Variants in ATP5F1C observed in about 807,000 individuals in gnomAD.
ATP5F1C encodes the protein ATP synthase F1 subunit gamma.
In ATP5F1C, 22 loss-of-function variants were observed where a neutral mutation model predicts 37.4. The ratio of observed to expected loss-of-function variants is 0.59; its 90% CI spans 0.42 to 0.84. The LOEUF (loss-of-function observed/expected upper bound fraction) is 0.84, where lower values mean the gene tolerates loss of function less well. ATP5F1C is among the 40% of genes least tolerant of loss of function. ATP5F1C has a pLI of 0.00. For missense variants in ATP5F1C, 286 were observed against 362.4 expected, an observed-to-expected ratio of 0.79 and a Z score of 1.71; for synonymous variants, 121 against 128.0, an observed-to-expected ratio of 0.95 and a Z score of 0.37.
At chr10:7,797,570 A>T (rs1836264235) in intron 3 of ATP5F1C, among the ~76,000 whole-genome samples, 1 of 152,192 alleles carries the variant, frequency 6.6e-6, no homozygotes, top group Non-Finnish European at 1.5e-5. Context: ...ATACCATCAG[A>T]AGAACTTGGA....
chr10:7,788,630 C>T (rs926084762), intron 1 of ATP5F1C, among the ~76,000 whole-genome samples: 2 of 152,184 alleles, frequency 1.3e-5, no homozygotes, highest in African/African-American at 4.8e-5. Context: ...AGTCTCAGGG[C>T]CTGCAAGGTG....
At chr10:7,804,402 G>A (rs768350107) in intron 8 of ATP5F1C, among the ~76,000 whole-genome samples, 1 of 152,174 alleles carries the variant, frequency 6.6e-6, no homozygotes, top group Non-Finnish European at 1.5e-5. Context: ...CAGCCACCTT[G>A]ATCTACTTCC....
Position 7,799,876 on chromosome 10 carries a change from A to C in ATP5F1C, c.533A>C (p.Tyr178Ser). 1 of 1,614,176 alleles carries C rather than the reference A, an allele frequency of 6.2e-7. No individual in the cohort carries two copies. The highest frequency in any genetic ancestry group is 8.5e-7 in the Non-Finnish European group (1 of 1,180,028). ...GCCCTTGAATTACTAAATTCTGGAT[A>C]TGAATTTGATGAAGGCTCCATCATC... ...VIALELLNSG[Y>S]EFDEGSIIFN... The change falls in exon 5 of 10, where the codon TAT becomes TCT. Residue 178 changes from tyrosine to serine, a missense_variant. Coordinates refer to ENST00000356708, the MANE Select transcript of ATP5F1C (RefSeq NM_001001973.3).
intron 3 of ATP5F1C, among the ~76,000 whole-genome samples, chr10:7,798,339 C>T (rs1001496087): frequency 1.3e-5 from 2 of 152,018 alleles, no homozygotes; most frequent in African/African-American, 2.4e-5. Flanking sequence ...CAGGCTCAAG[C>T]GATTCTCCTG....
At chr10:7,799,677 A>G in intron 4 of ATP5F1C, 95 bp from the exon 5 acceptor site, 1 of 1,447,628 alleles carries the variant, frequency 6.9e-7, no homozygotes, top group Non-Finnish European at 9.4e-7. Context: ...AAAAGACCTG[A>G]TCCATGGTGA....
At position 7,799,831 on chromosome 10, in the gene ATP5F1C, T is replaced by G. The variant is rs754385028; in HGVS notation, c.488T>G (p.Phe163Cys). ...FKEVGRKPPT[F>C]GDASVIALEL... is the part of the protein sequence containing the mutation. The stretch of plus-strand genomic sequence containing the variant: ...GAAGTGGGAAGAAAGCCCCCCACTT[T>G]TGGAGATGCGTCAGTCATTGCCCTT... The change falls in exon 5 of 10, where the codon TTT (phenylalanine) becomes TGT (cysteine). Residue 163 changes from phenylalanine to cysteine, a missense_variant. By Grantham distance (205) the Phe-to-Cys change is radical. Transcript: ENST00000356708. 1.2e-6 allele frequency: 2 copies of G among 1,614,206 alleles called. No homozygotes were observed. The highest frequency in any genetic ancestry group is 2.2e-5 in the South Asian group (2 of 91,082).
intron 1 of ATP5F1C, among the ~76,000 whole-genome samples, chr10:7,794,510 T>A (rs1731796587): frequency 6.6e-6 from 1 of 151,862 alleles, no homozygotes; most frequent in Non-Finnish European, 1.5e-5. Context: ...GTTTTTTTTT[T>A]TTTTAGCAGG....
At chr10:7,798,761 C>A (rs1295242148) in intron 3 of ATP5F1C, among the ~76,000 whole-genome samples, 2 of 150,930 alleles carry the variant, frequency 1.3e-5, no homozygotes, top group African/African-American at 2.4e-5. Context: ...AAACTCCTGA[C>A]CTCAGGTGAT....
intron 3 of ATP5F1C, among the ~76,000 whole-genome samples, chr10:7,798,405 T>G (rs1836282151): frequency 6.6e-6 from 1 of 151,964 alleles, no homozygotes; most frequent in South Asian, 2.1e-4. Flanking sequence ...ACCTGGCTAA[T>G]TTTTGTATTT....
rs747631206 is a variant in ATP5F1C, at chr10:7,802,837, C to T, written c.873C>T (p.Ile291=). 9 of 1,613,844 alleles carry T rather than the reference C, an allele frequency of 5.6e-6. No homozygotes were observed. Among genetic ancestry groups the T allele is most frequent in the Non-Finnish European group, 6.8e-6 (8 of 1,179,912 alleles). ...AVITKELIEI[I]SGAAALD ...TCACAAAAGAGTTGATTGAAATTATCTCTGGTGCTGCAGCTCTGTGAGTAA... is the reference window on the plus strand; with the variant it reads ...TCACAAAAGAGTTGATTGAAATTATTTCTGGTGCTGCAGCTCTGTGAGTAA... The change falls in exon 8 of 10, where the codon ATC becomes ATT. Residue 291 remains isoleucine, a synonymous_variant. Transcript: ENST00000356708.
In ATP5F1C at chr10:7,793,398, C is replaced by T. The variant is rs181335077; in HGVS notation, c.57-2723C>T. Reference sequence around the variant, plus strand: ...AAGTGCTGGGATTATAGGCGTGAGCCACCGCACCTGGCCCTGCCATCTGTT... The same window carrying T: ...AAGTGCTGGGATTATAGGCGTGAGCTACCGCACCTGGCCCTGCCATCTGTT... On this transcript the variant is annotated intron_variant, in intron 1 of 9. Coordinates refer to ENST00000356708, the MANE Select transcript of ATP5F1C (RefSeq NM_001001973.3). 3.2e-3 allele frequency among the ~76,000 whole-genome samples: 493 copies of T among 152,366 alleles called. 1 individual carries two copies. The highest frequency in any genetic ancestry group is 0.012 in the African/African-American group (480 of 41,586).
intron 1 of ATP5F1C, among the ~76,000 whole-genome samples, chr10:7,789,703 G>A (rs1836129431): frequency 6.6e-6 from 1 of 152,178 alleles, no homozygotes; most frequent in Non-Finnish European, 1.5e-5. Context: ...TTACCTTCTT[G>A]CCACGCATTA....
chr10:7,803,885 C>A (rs1836423190), intron 8 of ATP5F1C, among the ~76,000 whole-genome samples: 1 of 152,210 alleles, frequency 6.6e-6, no homozygotes, highest in Non-Finnish European at 1.5e-5. Context: ...TACCTTCTAA[C>A]TATCTCTTGA....
intron 1 of ATP5F1C, among the ~76,000 whole-genome samples, chr10:7,789,512 T>G (rs760091117): frequency 3.9e-5 from 6 of 152,204 alleles, no homozygotes; most frequent in Middle Eastern, 3.4e-3. Flanking sequence ...GAATTCTCAG[T>G]TGTATAGATT....
At chr10:7,789,414 T>G (rs908533708) in intron 1 of ATP5F1C, among the ~76,000 whole-genome samples, 1 of 152,104 alleles carries the variant, frequency 6.6e-6, no homozygotes, top group Non-Finnish European at 1.5e-5. Context: ...CCACATAAAA[T>G]TTTTGGTGGC....
At chr10:7,802,136 A>T (rs1836377562) in intron 6 of ATP5F1C, 134 bp from the exon 7 acceptor site, 2 of 899,272 alleles carry the variant, frequency 2.2e-6, no homozygotes, top group East Asian at 5.5e-5. Context: ...CATTATTAGA[A>T]CAGATTCATT....
chr10:7,804,190 G>A (rs541516896), intron 8 of ATP5F1C: 5 of 518,996 alleles, frequency 9.6e-6, no homozygotes, highest in East Asian at 5.4e-5. Flanking sequence ...CCCACAGAGT[G>A]CAGAATACTT....
rs758417200 is a variant in ATP5F1C, at chr10:7,807,005, C to T, written c.*25C>T. 2 of 1,611,134 alleles carry T rather than the reference C, an allele frequency of 1.2e-6. No individual in the cohort carries two copies. Among genetic ancestry groups the T allele is most frequent in the Non-Finnish European group, 1.7e-6 (2 of 1,177,748 alleles). On this transcript the variant is annotated 3_prime_UTR_variant, in exon 9 of 10. Coordinates refer to ENST00000356708, the MANE Select transcript of ATP5F1C (RefSeq NM_001001973.3). ...ATGAAAATCAAGTTCCATCCTCAGACAAGAGGTAAAGTTCACACATTCTTC... is the reference window on the plus strand; with the variant it reads ...ATGAAAATCAAGTTCCATCCTCAGATAAGAGGTAAAGTTCACACATTCTTC...
chr10:7,795,184 A>C (rs548283710), intron 1 of ATP5F1C, among the ~76,000 whole-genome samples: 1 of 150,474 alleles, frequency 6.6e-6, no homozygotes, highest in Admixed American at 6.6e-5. Flanking sequence ...AACCCAACTC[A>C]TGTGTCCAGT....
Sources: allele counts gnomAD v4.1 joint callset (sites outside exome capture counted in the v4.1 genomes callset), GRCh38; gene constraint gnomAD v4.1.1; transcripts MANE v1.5; gene names NCBI Gene and HGNC (gene_info 2026-07-23, HGNC 2026-07-21).